The following PTPDC1 variants were observed in gnomAD, a reference collection of about 807,000 sequenced individuals.
The protein encoded by PTPDC1 is protein tyrosine phosphatase domain-containing protein 1.
Under a neutral mutation model 75.3 loss-of-function variants are expected in PTPDC1, and 53 were observed. The ratio of observed to expected loss-of-function variants is 0.70; its 90% confidence interval spans 0.56 to 0.88. The LOEUF (loss-of-function observed/expected upper bound fraction) is 0.88, where lower values mean the gene tolerates loss of function less well. Ranked by LOEUF, PTPDC1 falls within the 40% of genes least tolerant of loss-of-function variation. The pLI is 0.00. For synonymous variants in PTPDC1, 349 were observed against 366.2 expected (o/e 0.95, Z 0.54); for missense variants, 925 against 998.6 (o/e 0.93, Z 0.99).
At chr9:94,037,328 A>T (rs1353845501) in intron 1 of PTPDC1, among the ~76,000 whole-genome samples, 1 of 152,210 alleles carries the variant, frequency 6.6e-6, no homozygotes, top group East Asian at 1.9e-4. Context: ...ATTGTCTTTT[A>T]AAAATAACAT....
intron 8 of PTPDC1, among the ~76,000 whole-genome samples, chr9:94,105,890 G>A (rs1336203936): frequency 6.7e-6 from 1 of 149,044 alleles, no homozygotes; most frequent in Non-Finnish European, 1.5e-5. Flanking sequence ...GGAGAATGGT[G>A]TGAACCCGGG....
intron 1 of PTPDC1, chr9:94,038,398 A>G: frequency 2.4e-6 from 1 of 410,252 alleles, no homozygotes; most frequent in South Asian, 2.9e-5. Flanking sequence ...TTTTATGTGT[A>G]CCATACTTTA....
chr9:94,031,057 C>T (rs974687878), exon 1 of PTPDC1: 5 of 152,248 alleles, frequency 3.3e-5, no homozygotes, highest in Non-Finnish European at 7.3e-5. Context: ...CCGCAGACGA[C>T]TTGTGACACG....
chr9:94,094,783 G>C (rs74870685), intron 4 of PTPDC1, among the ~76,000 whole-genome samples: 1 of 152,226 alleles, frequency 6.6e-6, no homozygotes, highest in Admixed American at 6.5e-5. Flanking sequence ...CTTGTGGTGC[G>C]CAGTTTTTTA....
intron 1 of PTPDC1, among the ~76,000 whole-genome samples, chr9:94,032,714 TCTCA>T (rs1829750508): frequency 6.6e-6 from 1 of 152,060 alleles, no homozygotes; most frequent in South Asian, 2.1e-4. Context: ...TGAGACGGGG[TCTCA>T]CTCTGTCGCC....
At chr9:94,034,392 T>C (rs1198815203) in intron 1 of PTPDC1, among the ~76,000 whole-genome samples, 3 of 151,308 alleles carry the variant, frequency 2.0e-5, no homozygotes, top group Non-Finnish European at 4.4e-5. Flanking sequence ...ATTAGTGGAG[T>C]GTGGTAATGC....
At chr9:94,105,393 G>A (rs890635024) in intron 8 of PTPDC1, among the ~76,000 whole-genome samples, 1 of 152,258 alleles carries the variant, frequency 6.6e-6, no homozygotes, top group Non-Finnish European at 1.5e-5. Flanking sequence ...AACAGAGCTG[G>A]GAGTGGTGGC....
Position 94,104,331 on chromosome 9 carries a change from T to G in PTPDC1, c.2256T>G (p.Ile752Met). 6.2e-7 allele frequency: 1 copy of G among 1,613,930 alleles called. No individual in the cohort carries two copies. Among genetic ancestry groups the G allele is most frequent in the South Asian group, 1.1e-5 (1 of 91,074 alleles). Residue 752 changes from isoleucine (I) to methionine (M), a missense_variant, in exon 8 of 9, where the codon ATT (isoleucine) becomes ATG (methionine). Coordinates refer to ENST00000620992, the MANE Select transcript of PTPDC1 (RefSeq NM_001253829.2). The part of the protein sequence containing the change: ...VLHCIVNLQT[I>M]PVDVEEAFLA... ...ACTGCATAGTGAACCTGCAGACAAT[T>G]CCCGTGGATGTGGAGGAAGCTTTCC...
chr9:94,101,248 G>A (rs755792815), intron 6 of PTPDC1: 9 of 212,974 alleles, frequency 4.2e-5, no homozygotes, highest in Non-Finnish European at 8.3e-5. Flanking sequence ...TCTGAATAAA[G>A]TAGAGAACTT....
At chr9:94,063,301 C>T (rs553681087) in intron 1 of PTPDC1, among the ~76,000 whole-genome samples, 54 of 152,264 alleles carry the variant, frequency 3.5e-4, no homozygotes, top group African/African-American at 1.3e-3. Context: ...AGAAAATAGT[C>T]CAAATTTTAA....
chr9:94,093,491 G>A (rs888301834), intron 4 of PTPDC1, among the ~76,000 whole-genome samples: 16 of 147,120 alleles, frequency 1.1e-4, no homozygotes, highest in Admixed American at 4.1e-4. Flanking sequence ...AGGGTAACCC[G>A]ACCTTTCTCT....
intron 1 of PTPDC1, among the ~76,000 whole-genome samples, chr9:94,064,074 G>T (rs1043007307): frequency 3.3e-5 from 5 of 152,076 alleles, no homozygotes; most frequent in African/African-American, 4.8e-5. Flanking sequence ...ACTGAGTTTT[G>T]TTTTCATCAA....
chr9:94,093,878 G>C (rs1036826030), intron 4 of PTPDC1, among the ~76,000 whole-genome samples: 1 of 148,962 alleles, frequency 6.7e-6, no homozygotes, highest in Non-Finnish European at 1.5e-5. Context: ...GATCGCATCG[G>C]CTCCTGAGGC....
rs565814935 is a variant in PTPDC1 at position 94,050,748 on chromosome 9, A to G, written c.-6-13986A>G. 3.9e-5 allele frequency among the ~76,000 whole-genome samples: 6 copies of G among 152,346 alleles called. No individual in the cohort carries two copies. In the South Asian group the frequency reaches 1.2e-3, roughly 32 times the overall value. On this transcript the variant is annotated intron_variant, in intron 1 of 9. Transcript: ENST00000375360. Reference sequence around the variant, plus strand: ...ACTACTCTCTTCAAAGCTGTCAGACAGGGATATTTAAGTCTGCAGAGGTTT... The same window carrying G: ...ACTACTCTCTTCAAAGCTGTCAGACGGGGATATTTAAGTCTGCAGAGGTTT...
chr9:94,068,216 G>T (rs1826383907), intron 2 of PTPDC1, among the ~76,000 whole-genome samples: 1 of 152,036 alleles, frequency 6.6e-6, no homozygotes, highest in South Asian at 2.1e-4. Flanking sequence ...TACAAGAAAA[G>T]CACACAAAAG....
chr9:94,106,570 A>C (rs952336582), intron 8 of PTPDC1, among the ~76,000 whole-genome samples: 1 of 152,184 alleles, frequency 6.6e-6, no homozygotes, highest in Non-Finnish European at 1.5e-5. Context: ...TGTGAGAAAT[A>C]AAAGTTGTCT....
chr9:94,095,101 C>G (rs1827506796), intron 4 of PTPDC1, among the ~76,000 whole-genome samples: 1 of 152,344 alleles, frequency 6.6e-6, no homozygotes, highest in Admixed American at 6.5e-5. Context: ...TTGGCTCCTC[C>G]CCTCAGGAAA....
intron 5 of PTPDC1, 87 bp from the exon 6 acceptor site, chr9:94,097,230 TATTC>T: frequency 1.2e-6 from 1 of 841,554 alleles, no homozygotes; most frequent in South Asian, 1.8e-5. Context: ...TCTTAACACA[TATTC>T]AAATTGTAAA....
intron 8 of PTPDC1, among the ~76,000 whole-genome samples, chr9:94,105,708 C>A (rs1373549652): frequency 6.7e-6 from 1 of 148,862 alleles, no homozygotes; most frequent in Non-Finnish European, 1.5e-5. Flanking sequence ...GTGGCTCAAG[C>A]CTGTAATCCA....
Sources: gnomAD v4.1 joint callset for allele counts (sites outside exome capture counted in the v4.1 genomes callset) on GRCh38, gnomAD v4.1.1 for gene constraint, MANE v1.5 for transcripts, NCBI Gene and HGNC (gene_info 2026-07-23, HGNC 2026-07-21) for gene names.